Variants in C4orf36 observed in about 807,000 individuals in gnomAD.
C4orf36 encodes chromosome 4 open reading frame 36, also known as uncharacterized protein C4orf36.
A neutral mutation model predicts 12.2 loss-of-function variants in C4orf36; 11 were observed. The observed-to-expected ratio is 0.90, with a 90% confidence interval of 0.57 to 1.49. C4orf36 has a LOEUF of 1.49. Ranked by LOEUF, C4orf36 falls within the 40% of genes most tolerant of loss-of-function variation. The pLI is 0.00. For missense variants in C4orf36, 137 were observed against 133.9 expected, an observed-to-expected ratio of 1.02 and a Z score of -0.11; for synonymous variants, 54 against 51.3, an observed-to-expected ratio of 1.05 and a Z score of -0.22.
chr4:86,913,763 T>G, the C4orf36 span: 1 of 1,437,396 alleles, frequency 7.0e-7, no homozygotes, highest in Non-Finnish European at 9.8e-7. Context: ...CACCTAACTC[T>G]GACATCAGCT....
the C4orf36 span, among the ~76,000 whole-genome samples, chr4:86,908,452 C>CT: frequency 0.78 from 110,918 of 141,784 alleles, 45,489 homozygotes; most frequent in Non-Finnish European, 0.9. Flanking sequence ...TCAACAGTGT[C>CT]TTTTTTTTTT....
Position 86,887,730 on chromosome 4 carries a change from C to T in C4orf36, c.*2+28G>A, listed in dbSNP as rs748491289. On this transcript the variant is annotated intron_variant, in intron 4 of 4. Coordinates refer to ENST00000295898, the MANE Select transcript of C4orf36 (RefSeq NM_144645.4). ...CTTCATGCCCTTTGGATGCAAGACA[C>T]AGAGTACAGATTCAATCATGAACTG... The T allele has an allele frequency of 5.0e-6, 8 of 1,613,568 alleles. No homozygotes were observed. In the South Asian group the frequency reaches 6.6e-5, roughly 13 times the overall value.
At chr4:86,904,036 T>A in the C4orf36 span, among the ~76,000 whole-genome samples, 1 of 152,140 alleles carries the variant, frequency 6.6e-6, no homozygotes. Context: ...TTAGCTAGGC[T>A]GAAAAGTTCT....
At chr4:86,885,437 T>A (rs918847909) in intron 4 of C4orf36, among the ~76,000 whole-genome samples, 1 of 152,154 alleles carries the variant, frequency 6.6e-6, no homozygotes, top group South Asian at 2.1e-4. Flanking sequence ...TGGATTCCTA[T>A]GTATTTTATT....
the C4orf36 span, among the ~76,000 whole-genome samples, chr4:86,908,366 C>G: frequency 6.6e-6 from 1 of 151,568 alleles, no homozygotes; most frequent in Non-Finnish European, 1.5e-5. Flanking sequence ...GAAAACGTAA[C>G]TACAAGTTCT....
chr4:86,931,765 G>A, the C4orf36 span, among the ~76,000 whole-genome samples: 1 of 152,316 alleles, frequency 6.6e-6, no homozygotes, highest in East Asian at 1.9e-4. Context: ...GCCAGGTGTG[G>A]TGGCTCACGC....
At chr4:86,915,552 G>T in the C4orf36 span, among the ~76,000 whole-genome samples, 3 of 151,104 alleles carry the variant, frequency 2.0e-5, no homozygotes, top group Non-Finnish European at 4.4e-5. Flanking sequence ...GGGAGGCCGA[G>T]GGGGGTGGAT....
intron 2 of C4orf36, chr4:86,890,260 C>T (rs1205148265): frequency 1.3e-5 from 5 of 388,026 alleles, no homozygotes; most frequent in East Asian, 1.5e-4. Flanking sequence ...CAGAGAACAA[C>T]TTGCCCAAGG....
At chr4:86,889,222 C>T (rs957673844) in intron 2 of C4orf36, among the ~76,000 whole-genome samples, 21 of 151,686 alleles carry the variant, frequency 1.4e-4, no homozygotes, top group African/African-American at 1.9e-4. Flanking sequence ...TGGTGGCGGG[C>T]GCTTGTAATC....
intron 4 of C4orf36, among the ~76,000 whole-genome samples, chr4:86,879,985 T>C (rs894694891): frequency 3.3e-5 from 5 of 151,870 alleles, no homozygotes; most frequent in African/African-American, 1.2e-4. Context: ...GGAGTAACTG[T>C]GACTATAGGC....
At chr4:86,882,086 G>A (rs1320130129) in intron 4 of C4orf36, among the ~76,000 whole-genome samples, 1 of 152,184 alleles carries the variant, frequency 6.6e-6, no homozygotes, top group African/African-American at 2.4e-5. Context: ...TTTCAAGAGA[G>A]GGAGAGACAT....
At chr4:86,884,745 C>T (rs1421897371) in intron 4 of C4orf36, among the ~76,000 whole-genome samples, 1 of 152,156 alleles carries the variant, frequency 6.6e-6, no homozygotes, top group Admixed American at 6.5e-5. Context: ...GTTGCCATCG[C>T]TTTTGGTGTT....
At chr4:86,893,862 ATT>A (rs1169159891), upstream of C4orf36, among the ~76,000 whole-genome samples, 1 of 138,498 alleles carries the variant, frequency 7.2e-6, no homozygotes, top group African/African-American at 2.7e-5. Flanking sequence ...TTTGGCCTGA[ATT>A]TTTATTTATT....
At chr4:86,918,687 C>G in the C4orf36 span, among the ~76,000 whole-genome samples, 3 of 152,064 alleles carry the variant, frequency 2.0e-5, no homozygotes, top group Admixed American at 2.0e-4. Flanking sequence ...TACTGCTAAA[C>G]CACGAGGACA....
At chr4:86,896,791 T>C (rs1004851944), upstream of C4orf36, among the ~76,000 whole-genome samples, 2 of 152,208 alleles carry the variant, frequency 1.3e-5, no homozygotes, top group African/African-American at 4.8e-5. Context: ...CTGGACTATC[T>C]TGTTCAGAAG....
chr4:86,876,558 C>A, intron 4 of C4orf36, 115 bp from the exon 5 acceptor site: 5 of 1,613,904 alleles, frequency 3.1e-6, no homozygotes, highest in Non-Finnish European at 4.2e-6. Flanking sequence ...TTTACAAGGA[C>A]CTTTAGCCCA....
At chr4:86,879,226 A>G (rs1312364500) in intron 4 of C4orf36, among the ~76,000 whole-genome samples, 1 of 152,238 alleles carries the variant, frequency 6.6e-6, no homozygotes, top group African/African-American at 2.4e-5. Context: ...ACGCAGGCCT[A>G]TGATTTACCT....
At chr4:86,902,376 C>T in the C4orf36 span, among the ~76,000 whole-genome samples, 3 of 126,752 alleles carry the variant, frequency 2.4e-5, no homozygotes, top group South Asian at 7.7e-4. Context: ...GAGCTATGAT[C>T]GTGCCACTGC....
At chr4:86,919,152 T>G in the C4orf36 span, among the ~76,000 whole-genome samples, 1 of 142,316 alleles carries the variant, frequency 7.0e-6, no homozygotes, top group Admixed American at 7.0e-5. Context: ...GAGAGAGAAA[T>G]CCTTTTCTCT....
Sources: allele counts gnomAD v4.1 joint callset (sites outside exome capture counted in the v4.1 genomes callset), GRCh38; gene constraint gnomAD v4.1.1; transcripts MANE v1.5; gene names NCBI Gene and HGNC (gene_info 2026-07-23, HGNC 2026-07-21).